The following BOLL variants were observed in gnomAD, a reference collection of about 807,000 sequenced individuals.
BOLL encodes the protein boule RNA binding protein.
BOLL carries 23 observed loss-of-function variants against 44.4 expected under a neutral mutation model. That is an observed-to-expected ratio of 0.52 (90% CI 0.37 to 0.73). The LOEUF is 0.73. Among genes scored for constraint, BOLL ranks in the 30% least tolerant of loss-of-function variants. The probability of loss-of-function intolerance (pLI) is 0.00; values close to 1 mark genes in which losing one functional copy is unlikely to be tolerated. For missense variants in BOLL, 287 were observed against 338.3 expected (o/e 0.85, Z 1.19); for synonymous variants, 97 against 110.8 (o/e 0.88, Z 0.78).
chr2:197,731,067 C>G (rs1687143988), intron 10 of BOLL, among the ~76,000 whole-genome samples: 1 of 151,972 alleles, frequency 6.6e-6, no homozygotes, highest in South Asian at 2.1e-4. Flanking sequence ...TTCAGGAAAC[C>G]CACCTCACTT....
At chr2:197,767,003 T>C (rs572416597) in intron 6 of BOLL, among the ~76,000 whole-genome samples, 129 of 152,148 alleles carry the variant, frequency 8.5e-4, no homozygotes, top group African/African-American at 3.0e-3. Flanking sequence ...TAGAACTGAA[T>C]GAATAGTCGT....
At chr2:197,742,052 C>T (rs1450048225) in intron 10 of BOLL, among the ~76,000 whole-genome samples, 2 of 152,146 alleles carry the variant, frequency 1.3e-5, no homozygotes, top group Admixed American at 6.5e-5. Context: ...AGCCAAAAAA[C>T]ACATGAAAAA....
At chr2:197,732,596 A>C (rs1431281634) in intron 10 of BOLL, among the ~76,000 whole-genome samples, 2 of 97,412 alleles carry the variant, frequency 2.1e-5, no homozygotes, top group African/African-American at 7.5e-5. Context: ...GCAGCACATC[A>C]AAAAGCTTAT....
intron 2 of BOLL, among the ~76,000 whole-genome samples, chr2:197,781,054 G>A (rs988434208): frequency 6.6e-6 from 1 of 151,852 alleles, no homozygotes; most frequent in Admixed American, 6.6e-5. Flanking sequence ...TTAAGTTCGG[G>A]GTACACGTGC....
chr2:197,780,811 C>T (rs1475845092), intron 2 of BOLL, among the ~76,000 whole-genome samples: 1 of 151,790 alleles, frequency 6.6e-6, no homozygotes, highest in Non-Finnish European at 1.5e-5. Context: ...ATAACTCTCC[C>T]TATAATTTCT....
chr2:197,746,306 A>T (rs1004571176), intron 9 of BOLL, among the ~76,000 whole-genome samples: 3 of 152,224 alleles, frequency 2.0e-5, no homozygotes, highest in Non-Finnish European at 2.9e-5. Context: ...TACATATCCA[A>T]AGGAAATGAA....
intron 10 of BOLL, among the ~76,000 whole-genome samples, chr2:197,730,778 C>T (rs1188176589): frequency 1.3e-5 from 2 of 151,972 alleles, no homozygotes; most frequent in South Asian, 2.1e-4. Flanking sequence ...GATTTTGTCA[C>T]CACCAGGCCT....
At chr2:197,769,132 T>C (rs1269105162) in intron 6 of BOLL, among the ~76,000 whole-genome samples, 1 of 152,028 alleles carries the variant, frequency 6.6e-6, no homozygotes, top group East Asian at 1.9e-4. Context: ...CTTTTTTTGT[T>C]GTGTCTCTGC....
At position 197,734,358 on chromosome 2, in the gene BOLL, G is replaced by C. The variant is rs527572321; in HGVS notation, c.829-5780C>G. Among the ~76,000 whole-genome samples, 747 of 152,254 alleles carry C rather than the reference G, an allele frequency of 4.9e-3. 3 individuals carry two copies. The highest frequency in any genetic ancestry group is 0.017 in the African/African-American group (708 of 41,554). ...GGAGAAATAGGAACACTTTTACACT[G>C]TTGGTGGGACTGTAAACCAGTTCAA... is the stretch of plus-strand genomic sequence containing the variant. On this transcript the variant is annotated intron_variant, in intron 10 of 10. Transcript: ENST00000392296.
chr2:197,730,902 C>A (rs1164149232), intron 10 of BOLL, among the ~76,000 whole-genome samples: 1 of 151,850 alleles, frequency 6.6e-6, no homozygotes, highest in African/African-American at 2.4e-5. Context: ...GAAACTGCAT[C>A]AACTAATGAG....
chr2:197,775,871 T>G, intron 4 of BOLL, 131 bp from the exon 5 acceptor site: 1 of 486,286 alleles, frequency 2.1e-6, no homozygotes, highest in East Asian at 3.8e-5. Flanking sequence ...CAAGGAATAG[T>G]GGGAAAGAGC....
chr2:197,785,472 G>T, upstream of BOLL: 1 of 819,592 alleles, frequency 1.2e-6, no homozygotes, highest in Non-Finnish European at 1.5e-6. The surrounding 1 kb of genome is among the most constrained non-coding windows in gnomAD (Gnocchi z 6.7). Context: ...GCACAGCCAG[G>T]GCTAGAGTGT....
At chr2:197,733,577 G>T (rs886880881) in intron 10 of BOLL, among the ~76,000 whole-genome samples, 10 of 152,084 alleles carry the variant, frequency 6.6e-5, no homozygotes, top group Admixed American at 1.3e-4. Context: ...CAAGGCTACA[G>T]TAACCAAAAC....
rs951350085 is a variant in BOLL, at chr2:197,727,493, A to C, written c.*1062T>G. On this transcript the variant is annotated 3_prime_UTR_variant, in exon 11 of 11. Coordinates refer to ENST00000392296, the MANE Select transcript of BOLL (RefSeq NM_033030.6). ...ATGATTTGTTCTGTACCTTTTGAAC[A>C]ATGAATGACACCCCTCCCATCTATT... The C allele has an allele frequency of 5.3e-5, 8 of 152,366 alleles. No individual in the cohort carries two copies. Among genetic ancestry groups the C allele is most frequent in the Non-Finnish European group, 1.0e-4 (7 of 68,032 alleles). 9.4% of individuals were successfully genotyped at this position (152,366 alleles called of 1,614,324 possible). A position where few individuals can be genotyped will look rare whatever the true frequency, so the allele number is the denominator to read the frequency against.
chr2:197,752,500 C>T (rs528608973), intron 9 of BOLL, among the ~76,000 whole-genome samples: 4 of 152,162 alleles, frequency 2.6e-5, no homozygotes, highest in Admixed American at 2.6e-4. Context: ...TTCAGCATTC[C>T]TATACTCCAA....
At chr2:197,741,753 C>G (rs1687744899) in intron 10 of BOLL, among the ~76,000 whole-genome samples, 1 of 152,006 alleles carries the variant, frequency 6.6e-6, no homozygotes, top group African/African-American at 2.4e-5. Context: ...TAGGCATGGG[C>G]AAGGACTTCA....
intron 10 of BOLL, among the ~76,000 whole-genome samples, chr2:197,736,503 G>A (rs1221664920): frequency 2.0e-5 from 3 of 151,960 alleles, no homozygotes; most frequent in South Asian, 2.1e-4. Context: ...TAATTTCTTC[G>A]TTTTGCTAAT....
intron 5 of BOLL, among the ~76,000 whole-genome samples, chr2:197,773,657 C>T (rs1689372162): frequency 6.6e-6 from 1 of 151,698 alleles, no homozygotes; most frequent in Admixed American, 6.6e-5. Context: ...GTAAAGAAAA[C>T]AGTATATTAG....
chr2:197,743,904 G>T (rs976173636), intron 9 of BOLL, among the ~76,000 whole-genome samples: 1 of 150,040 alleles, frequency 6.7e-6, no homozygotes, highest in African/African-American at 2.5e-5. Context: ...TCCACCTCCC[G>T]GCTTCACACC....
Sources: gnomAD v4.1 joint callset for allele counts (sites outside exome capture counted in the v4.1 genomes callset) on GRCh38, gnomAD v4.1.1 for gene constraint, Gnocchi (gnomAD v3.1) non-coding constraint, MANE v1.5 for transcripts, NCBI Gene and HGNC (gene_info 2026-07-23, HGNC 2026-07-21) for gene names.